FMN1: variants seen among roughly 807,000 people sequenced by gnomAD.
The protein encoded by FMN1 is formin 1.
FMN1 carries 110 observed loss-of-function variants against 132.4 expected under a neutral mutation model. That is an observed-to-expected ratio of 0.83 (90% CI 0.71 to 0.97). The LOEUF (loss-of-function observed/expected upper bound fraction) is 0.97. Among genes scored for constraint, FMN1 ranks in the 50% least tolerant of loss-of-function variants. The pLI, the probability that FMN1 is intolerant of heterozygous loss-of-function variation, is 0.00. For synonymous variants in FMN1, 722 were observed against 651.7 expected (o/e 1.11, Z -1.64); for missense variants, 1,792 against 1,705.3 (o/e 1.05, Z -0.90).
chr15:33,056,754 G>A (rs2037235267), intron 6 of FMN1, among the ~76,000 whole-genome samples: 1 of 152,126 alleles, frequency 6.6e-6, no homozygotes. Flanking sequence ...TTCATACAAT[G>A]GAATACTATA....
At chr15:33,013,234 G>C (rs1052195276) in intron 6 of FMN1, among the ~76,000 whole-genome samples, 1 of 152,186 alleles carries the variant, frequency 6.6e-6, no homozygotes. Context: ...ATGGGCAAAA[G>C]AGTTAAGGAC....
chr15:32,777,275 GA>G (rs1239981601), intron 19 of FMN1, among the ~76,000 whole-genome samples: 4 of 151,886 alleles, frequency 2.6e-5, no homozygotes, highest in African/African-American at 9.7e-5. Flanking sequence ...TGATTTTGAA[GA>G]ATGAAGTTCT....
At chr15:32,845,118 CTG>C (rs1157526253) in intron 17 of FMN1, among the ~76,000 whole-genome samples, 5 of 152,172 alleles carry the variant, frequency 3.3e-5, no homozygotes, top group Non-Finnish European at 5.9e-5. Context: ...AAGACAATAA[CTG>C]TATAAATCAA....
At chr15:32,852,066 C>T (rs2059021051) in intron 17 of FMN1, among the ~76,000 whole-genome samples, 1 of 152,198 alleles carries the variant, frequency 6.6e-6, no homozygotes, top group Admixed American at 6.5e-5. Context: ...CCTCATTCTA[C>T]ACTCTTTTCT....
At chr15:33,069,987 CTT>C (rs1364858513) in intron 5 of FMN1, among the ~76,000 whole-genome samples, 1 of 96,310 alleles carries the variant, frequency 1.0e-5, no homozygotes, top group African/African-American at 3.4e-5. Flanking sequence ...TAAGATCAGT[CTT>C]TCTCTTTTTT....
chr15:33,086,588 C>A (rs1252539550), intron 5 of FMN1, among the ~76,000 whole-genome samples: 1 of 136,322 alleles, frequency 7.3e-6, no homozygotes. Flanking sequence ...TTTAAAAACA[C>A]AGAAGAAAAA....
chr15:32,925,971 A>C (rs1596287821), intron 10 of FMN1, among the ~76,000 whole-genome samples: 1 of 152,194 alleles, frequency 6.6e-6, no homozygotes, highest in Admixed American at 6.5e-5. Context: ...CTTATAAAGC[A>C]TCTGAAATTT....
intron 3 of FMN1, among the ~76,000 whole-genome samples, chr15:33,166,244 A>T (rs1965101491): frequency 6.6e-6 from 1 of 151,944 alleles, no homozygotes. Flanking sequence ...ATGGAACTGG[A>T]CTCAAATCCA....
In FMN1 at chr15:32,994,236, A is replaced by T. The variant is rs62001486; in HGVS notation, c.2223+13778T>A. Among the ~76,000 whole-genome samples, 234 of 31,856 alleles carry T rather than the reference A, an allele frequency of 7.3e-3. 2 individuals carry two copies. The highest frequency in any genetic ancestry group is 0.013 in the African/African-American group (191 of 14,312). 20.9% of individuals were successfully genotyped at this position (31,856 alleles called of 152,430 possible). On this transcript the variant is annotated intron_variant, in intron 7 of 20. Coordinates refer to ENST00000616417, the MANE Select transcript of FMN1 (RefSeq NM_001277313.2). The stretch of plus-strand genomic sequence containing the variant: ...TCCTCTCTCTCTCTCTCTCTCTCAC[A>T]CACACACACACACAGACACACACAC...
At chr15:33,078,247 C>T (rs2038301704) in intron 5 of FMN1, among the ~76,000 whole-genome samples, 1 of 152,128 alleles carries the variant, frequency 6.6e-6, no homozygotes, top group African/African-American at 2.4e-5. Flanking sequence ...ATATTCTTAA[C>T]CAAGTGCTTG....
At chr15:33,070,565 T>C (rs1019929396) in intron 5 of FMN1, among the ~76,000 whole-genome samples, 4 of 152,024 alleles carry the variant, frequency 2.6e-5, no homozygotes, top group African/African-American at 4.8e-5. Flanking sequence ...GGTTTCAGTA[T>C]CCCCTCAATA....
intron 16 of FMN1, among the ~76,000 whole-genome samples, chr15:32,884,872 C>G (rs144794162): frequency 7.7e-4 from 117 of 152,334 alleles, no homozygotes; most frequent in African/African-American, 2.7e-3. Context: ...ATTAGATACT[C>G]CACAAACATA....
intron 6 of FMN1, among the ~76,000 whole-genome samples, chr15:33,052,691 G>A (rs1279231281): frequency 1.3e-5 from 2 of 152,144 alleles, no homozygotes; most frequent in Non-Finnish European, 2.9e-5. Context: ...CCACCTCAAA[G>A]CTAAAGACAG....
At chr15:32,835,921 CA>C (rs1318873486) in intron 17 of FMN1, among the ~76,000 whole-genome samples, 1 of 152,088 alleles carries the variant, frequency 6.6e-6, no homozygotes, top group Admixed American at 6.5e-5. Context: ...AGTGCAGTGG[CA>C]TGATCATGGC....
chr15:32,878,909 G>A (rs2059699649), intron 16 of FMN1, among the ~76,000 whole-genome samples: 1 of 152,220 alleles, frequency 6.6e-6, no homozygotes, highest in South Asian at 2.1e-4. Context: ...TGCAAACTGA[G>A]AGGAGGAAAC....
chr15:33,120,725 T>C (rs1010768778), intron 4 of FMN1, among the ~76,000 whole-genome samples: 9 of 152,170 alleles, frequency 5.9e-5, no homozygotes, highest in Non-Finnish European at 8.8e-5. Context: ...TTTACAGACA[T>C]ATATATAAGA....
intron 16 of FMN1, among the ~76,000 whole-genome samples, chr15:32,874,421 T>C (rs771140021): frequency 5.3e-5 from 8 of 152,078 alleles, no homozygotes; most frequent in Admixed American, 1.3e-4. Flanking sequence ...AAAAAAAAAT[T>C]AGATGTTTGT....
intron 6 of FMN1, among the ~76,000 whole-genome samples, chr15:33,038,180 A>T (rs1033918996): frequency 1.3e-5 from 2 of 152,262 alleles, no homozygotes; most frequent in African/African-American, 4.8e-5. Flanking sequence ...GTGAGCCGAG[A>T]TCGCACCACT....
intron 17 of FMN1, among the ~76,000 whole-genome samples, chr15:32,820,824 C>A (rs1413841287): frequency 6.6e-6 from 1 of 152,048 alleles, no homozygotes; most frequent in East Asian, 1.9e-4. Context: ...AATATATTTT[C>A]CCATGCTTTT....
Sources: allele counts gnomAD v4.1 joint callset (sites outside exome capture counted in the v4.1 genomes callset), GRCh38; gene constraint gnomAD v4.1.1; transcripts MANE v1.5; gene names NCBI Gene and HGNC (gene_info 2026-07-23, HGNC 2026-07-21).